Variants in FRAS1 observed in about 807,000 individuals in gnomAD.
FRAS1 encodes extracellular matrix organizing protein FRAS1.
FRAS1 carries 290 observed loss-of-function variants against 435.2 expected under a neutral mutation model. The ratio of observed to expected loss-of-function variants is 0.67; its 90% CI spans 0.61 to 0.73. FRAS1 has a LOEUF of 0.73. Ranked by LOEUF, FRAS1 falls within the 30% of genes least tolerant of loss-of-function variation. The pLI, the probability that FRAS1 is intolerant of heterozygous loss-of-function variation, is 0.00. For missense variants in FRAS1, 4,860 were observed against 5,001.5 expected (o/e 0.97, Z 0.85); for synonymous variants, 1,800 against 1,851.0 (o/e 0.97, Z 0.71).
chr4:78,337,976 A>G (rs747500167), intron 20 of FRAS1, 159 bp downstream of exon 20: 36 of 650,604 alleles, frequency 5.5e-5, no homozygotes, highest in Non-Finnish European at 8.9e-5. Context: ...CTCCTTGGGC[A>G]TTTAGTAAAT....
chr4:78,109,713 C>T (rs866140344), intron 2 of FRAS1, among the ~76,000 whole-genome samples: 163 of 60,098 alleles, frequency 2.7e-3, no homozygotes, highest in Middle Eastern at 0.015. Context: ...CCTCTCTCAC[C>T]GCTCCTATTC....
chr4:78,081,841 A>T (rs1740910803), intron 2 of FRAS1, among the ~76,000 whole-genome samples: 2 of 152,072 alleles, frequency 1.3e-5, no homozygotes, highest in Non-Finnish European at 2.9e-5. Flanking sequence ...CTCCTTTCTC[A>T]AAGAACCCTG....
intron 53 of FRAS1, among the ~76,000 whole-genome samples, chr4:78,474,465 A>C (rs1719802752): frequency 2.0e-5 from 3 of 152,240 alleles, no homozygotes; most frequent in African/African-American, 7.2e-5. Flanking sequence ...TGTGCCCCAA[A>C]TTCAGGCTAT....
intron 31 of FRAS1, among the ~76,000 whole-genome samples, chr4:78,411,990 G>A (rs897868086): frequency 2.0e-5 from 3 of 152,176 alleles, no homozygotes; most frequent in African/African-American, 7.2e-5. Context: ...TACTAAGTAA[G>A]AGAACCCTTG....
At chr4:78,136,262 C>T (rs1192676178) in intron 2 of FRAS1, among the ~76,000 whole-genome samples, 2 of 152,178 alleles carry the variant, frequency 1.3e-5, no homozygotes, top group African/African-American at 4.8e-5. Context: ...CACTTGTCTA[C>T]AGTATGGGAG....
chr4:78,236,860 C>T (rs1425957730), intron 2 of FRAS1, among the ~76,000 whole-genome samples: 2 of 152,170 alleles, frequency 1.3e-5, no homozygotes, highest in Non-Finnish European at 2.9e-5. Context: ...ATTTAATTCT[C>T]TCATGTTCAT....
intron 2 of FRAS1, among the ~76,000 whole-genome samples, chr4:78,189,187 A>T (rs1335151708): frequency 6.6e-6 from 1 of 152,228 alleles, no homozygotes; most frequent in African/African-American, 2.4e-5. Context: ...ATGTATGATT[A>T]TATCATGTCT....
intron 6 of FRAS1, among the ~76,000 whole-genome samples, chr4:78,256,313 A>G (rs1228559378): frequency 6.6e-6 from 1 of 152,210 alleles, no homozygotes; most frequent in East Asian, 1.9e-4. Context: ...CCAATTCATC[A>G]CAAAGCCATA....
intron 5 of FRAS1, among the ~76,000 whole-genome samples, chr4:78,254,095 A>G (rs542411639): frequency 8.8e-4 from 134 of 152,114 alleles, no homozygotes; most frequent in Non-Finnish European, 1.4e-3. Flanking sequence ...TTGTTCAGCA[A>G]GCCAGAGTCA....
chr4:78,438,484 G>A, intron 38 of FRAS1, 86 bp from the exon 39 acceptor site: 1 of 1,318,022 alleles, frequency 7.6e-7, no homozygotes, highest in Non-Finnish European at 1.1e-6. Context: ...TTAGCAGAGA[G>A]AGAAGCACCC....
chr4:78,164,477 A>G (rs1721260675), intron 2 of FRAS1, among the ~76,000 whole-genome samples: 1 of 152,174 alleles, frequency 6.6e-6, no homozygotes. Flanking sequence ...TAGAAAATTT[A>G]TCATTTTATA....
At chr4:78,359,363 A>G (rs1410865135) in intron 20 of FRAS1, among the ~76,000 whole-genome samples, 1 of 152,152 alleles carries the variant, frequency 6.6e-6, no homozygotes, top group Non-Finnish European at 1.5e-5. Flanking sequence ...TTCCGTGGAG[A>G]TCGTTACTCA....
intron 34 of FRAS1, among the ~76,000 whole-genome samples, chr4:78,423,171 T>A (rs374501214): frequency 6.6e-6 from 1 of 151,688 alleles, no homozygotes; most frequent in East Asian, 1.9e-4. Context: ...CTTTTCTTTT[T>A]CTTTTTTTTT....
intron 14 of FRAS1, among the ~76,000 whole-genome samples, chr4:78,290,108 A>G (rs962689254): frequency 6.6e-6 from 1 of 152,214 alleles, no homozygotes. Context: ...GTCCATAAGA[A>G]AAAAAGCTAA....
rs1732127369 is a variant in FRAS1 at position 78,384,100 on chromosome 4, T to C, written c.3605T>C (p.Phe1202Ser). 1 of 1,606,926 alleles carries C rather than the reference T, an allele frequency of 6.2e-7. No homozygotes were observed. The highest frequency in any genetic ancestry group is 8.5e-7 in the Non-Finnish European group (1 of 1,178,088). Residue 1202 changes from phenylalanine (F) to serine (S), a missense_variant, in exon 28 of 74, where the codon TTC becomes TCC. Coordinates refer to ENST00000512123, the MANE Select transcript of FRAS1 (RefSeq NM_025074.7). ...LFLKISDQQF[F>S]SEPQLINIQA... Reference sequence around the variant, plus strand: ...CTGAAAATTAGTGACCAGCAGTTCTTCTCTGAGCCACAGCTGATCAACATA... The same window carrying C: ...CTGAAAATTAGTGACCAGCAGTTCTCCTCTGAGCCACAGCTGATCAACATA...
Position 78,057,820 on chromosome 4 carries a change from A to C in FRAS1, c.-190A>C. On this transcript the variant is annotated 5_prime_UTR_variant, in exon 1 of 74. Coordinates refer to ENST00000512123, the MANE Select transcript of FRAS1 (RefSeq NM_025074.7). This position sits in a 1 kb window ranked among gnomAD's most constrained non-coding sequence, Gnocchi z 4.2. ...CTGAGCAGCGAGTGAATTGAACCCC[A>C]GCCCGCTCCGGCGCCTCCGGGCTGA... The C allele has an allele frequency of 1.7e-6, 1 of 584,920 alleles. No individual in the cohort carries two copies. Among genetic ancestry groups the C allele is most frequent in the Non-Finnish European group, 3.0e-6 (1 of 330,080 alleles). The allele number at this position is 584,920 out of a possible 1,614,324, so 36.2% of individuals were successfully genotyped here.
Position 78,475,614 on chromosome 4 carries a change from G to T in FRAS1, c.7851+8G>T. 2 of 1,545,212 alleles carry T rather than the reference G, an allele frequency of 1.3e-6. No homozygotes were observed. The highest frequency in any genetic ancestry group is 1.8e-6 in the Non-Finnish European group (2 of 1,138,798). On this transcript the variant is annotated splice_region_variant and intron_variant, in intron 54 of 73. Coordinates refer to ENST00000512123, the MANE Select transcript of FRAS1 (RefSeq NM_025074.7). ...GTAGAGTATGCTGGCCAGGTAGGTG[G>T]GGTAGTGGGGTTGGGGGAGGCTCCA...
intron 36 of FRAS1, among the ~76,000 whole-genome samples, chr4:78,429,458 G>A (rs1359051280): frequency 6.6e-6 from 1 of 152,144 alleles, no homozygotes; most frequent in African/African-American, 2.4e-5. Flanking sequence ...ACACAGAACT[G>A]ATTTTCCGGG....
At chr4:78,138,943 A>C (rs368126342) in intron 2 of FRAS1, among the ~76,000 whole-genome samples, 82 of 152,358 alleles carry the variant, frequency 5.4e-4, no homozygotes, top group African/African-American at 1.9e-3. Flanking sequence ...ACCTGGGATT[A>C]ATAAGCACTT....
Sources: gnomAD v4.1 joint callset for allele counts (sites outside exome capture counted in the v4.1 genomes callset) on GRCh38, gnomAD v4.1.1 for gene constraint, Gnocchi (gnomAD v3.1) non-coding constraint, MANE v1.5 for transcripts, NCBI Gene and HGNC (gene_info 2026-07-23, HGNC 2026-07-21) for gene names.